Variants in SPC25 observed in about 807,000 individuals in gnomAD.
SPC25 encodes SPC25 component of NDC80 kinetochore complex.
A neutral mutation model predicts 29.6 loss-of-function variants in SPC25; 22 were observed. The observed-to-expected ratio is 0.74, with a 90% CI of 0.53 to 1.06. The LOEUF (loss-of-function observed/expected upper bound fraction) is 1.06, where lower values mean the gene tolerates loss of function less well. Ranked by LOEUF, SPC25 falls within the 50% of genes least tolerant of loss-of-function variation. The pLI, the probability that SPC25 is intolerant of heterozygous loss-of-function variation, is 0.00. For missense variants in SPC25, 230 were observed against 255.8 expected (o/e 0.90, Z 0.69); for synonymous variants, 91 against 90.4 (o/e 1.01, Z -0.04).
rs569082174 is a variant in SPC25, at chr2:168,864,227, G to T, written n.419+9358C>A. 4.0e-5 allele frequency among the ~76,000 whole-genome samples: 6 copies of T among 151,304 alleles called. No homozygotes were observed. In the South Asian group the frequency reaches 1.0e-3, roughly 26 times the overall value. On this transcript the variant is annotated intron_variant and non_coding_transcript_variant, in intron 4 of 4. Transcript: ENST00000479309. The stretch of plus-strand genomic sequence containing the variant: ...AAGTAATCTGCCTAATCTGCCCATC[G>T]CGGCCTCCCAACGTGCTGGGATTAC...
At chr2:168,871,597 GT>G (rs753272277) in intron 6 of SPC25, 42 bp from the exon 7 acceptor site, 4 of 1,512,076 alleles carry the variant, frequency 2.6e-6, no homozygotes, top group South Asian at 2.6e-5. Flanking sequence ...ATTAGAATGA[GT>G]TTTTTTATGG....
chr2:168,871,148 A>C lies in SPC25; in HGVS notation c.*283T>G. 1 of 173,598 alleles carries C rather than the reference A, an allele frequency of 5.8e-6. No individual in the cohort carries two copies. The highest frequency in any genetic ancestry group is 1.2e-5 in the Non-Finnish European group (1 of 83,240). 10.8% of individuals were successfully genotyped at this position (173,598 alleles called of 1,614,324 possible). A position where few individuals can be genotyped will look rare whatever the true frequency, so the allele number is the denominator to read the frequency against. ...CACATATTCTCACTCCTAGGTGGGAATTGAACAATGAGAACACATGGACAC... is the reference window on the plus strand; with the variant it reads ...CACATATTCTCACTCCTAGGTGGGACTTGAACAATGAGAACACATGGACAC... On this transcript the variant is annotated 3_prime_UTR_variant, in exon 7 of 7. Transcript: ENST00000282074.
At chr2:168,868,415 G>T (rs1277166648), downstream of SPC25, among the ~76,000 whole-genome samples, 1 of 152,110 alleles carries the variant, frequency 6.6e-6, no homozygotes, top group Non-Finnish European at 1.5e-5. Context: ...ATGAATCCAG[G>T]AGCTGGCTTT....
chr2:168,878,461 T>G (rs1690124724), intron 3 of SPC25, among the ~76,000 whole-genome samples: 1 of 152,202 alleles, frequency 6.6e-6, no homozygotes. Flanking sequence ...CTTTCAAATC[T>G]CATCATATAT....
chr2:168,873,224 A>T (rs1690026529), intron 6 of SPC25, among the ~76,000 whole-genome samples: 2 of 152,162 alleles, frequency 1.3e-5, no homozygotes, highest in Non-Finnish European at 2.9e-5. Context: ...ATCTACTTGG[A>T]TAAATTCTAA....
At position 168,877,289 on chromosome 2, in the gene SPC25, G is replaced by A; in HGVS notation, c.295C>T (p.Leu99=). ...VKGKKQELEV[L]TANIQDLKEE... The stretch of plus-strand genomic sequence containing the variant: ...TTAAGATCCTGGATATTTGCAGTCA[G>A]TACTTCCAATTCCTGCTTTTTGCCT... Residue 99 remains leucine (L), a synonymous_variant, in exon 4 of 7, where the codon CTG becomes TTG. Coordinates refer to ENST00000282074, the MANE Select transcript of SPC25 (RefSeq NM_020675.4). The A allele has an allele frequency of 6.2e-7, 1 of 1,613,724 alleles. No individual in the cohort carries two copies. Among genetic ancestry groups the A allele is most frequent in the South Asian group, 1.1e-5 (1 of 91,066 alleles).
chr2:168,863,742 C>A, intron 4 of SPC25: 1 of 805,586 alleles, frequency 1.2e-6, no homozygotes, highest in Non-Finnish European at 1.5e-6. Flanking sequence ...TAAGAAAAGA[C>A]TGTTGGTGAG....
chr2:168,865,000 C>T, intron 4 of SPC25: 2 of 1,611,430 alleles, frequency 1.2e-6, no homozygotes, highest in East Asian at 2.2e-5. Context: ...TACCTTCACA[C>T]TCGGTAATCA....
chr2:168,887,421 C>CAAAAAAAAAAAAAAAAAAAAAA (rs5836211), intron 3 of SPC25, among the ~76,000 whole-genome samples: 6 of 131,418 alleles, frequency 4.6e-5, no homozygotes, highest in African/African-American at 1.7e-4. Flanking sequence ...GACTCCATCT[C>CAAAAAAAAAAAAAAAAAAAAAA]AAAAAAAAAA....
chr2:168,861,830 C>A, intron 4 of SPC25: 2 of 771,134 alleles, frequency 2.6e-6, no homozygotes, highest in South Asian at 1.9e-5. Context: ...TATAAAATTA[C>A]AAACTTTCCT....
chr2:168,885,139 G>A (rs1320132281), intron 3 of SPC25, among the ~76,000 whole-genome samples: 2 of 152,128 alleles, frequency 1.3e-5, no homozygotes, highest in Non-Finnish European at 2.9e-5. Context: ...CACCCAACAT[G>A]TTTAAAATTG....
intron 4 of SPC25, chr2:168,865,051 C>A: frequency 6.8e-7 from 1 of 1,469,158 alleles, no homozygotes; most frequent in Non-Finnish European, 9.3e-7. Context: ...GTGCTCTTAC[C>A]TTTACATGTT....
chr2:168,889,070 CACAT>C (rs1690343294), intron 3 of SPC25, among the ~76,000 whole-genome samples, 152 bp downstream of exon 3: 1 of 61,850 alleles, frequency 1.6e-5, no homozygotes, highest in African/African-American at 5.1e-5. Context: ...TATATATATA[CACAT>C]ATATATACAT....
intron 3 of SPC25, among the ~76,000 whole-genome samples, chr2:168,881,530 G>A (rs1322921138): frequency 1.3e-5 from 2 of 152,204 alleles, no homozygotes; most frequent in Non-Finnish European, 2.9e-5. Flanking sequence ...AAAAGCATAA[G>A]AGCTCTAGGG....
intron 6 of SPC25, 90 bp from the exon 7 acceptor site, chr2:168,871,645 T>C: frequency 8.4e-7 from 1 of 1,185,270 alleles, no homozygotes; most frequent in Non-Finnish European, 1.2e-6. Context: ...TCTCATCTGG[T>C]TTGAATGTCA....
intron 5 of SPC25, among the ~76,000 whole-genome samples, chr2:168,874,121 A>G (rs906046766): frequency 2.6e-5 from 4 of 152,230 alleles, no homozygotes; most frequent in Non-Finnish European, 4.4e-5. Context: ...CATTAAGTCC[A>G]CAAAAAGATG....
At chr2:168,875,386 G>C (rs1005277183) in intron 5 of SPC25, among the ~76,000 whole-genome samples, 1 of 152,104 alleles carries the variant, frequency 6.6e-6, no homozygotes, top group Non-Finnish European at 1.5e-5. Flanking sequence ...ATAAGTCAGG[G>C]ACTGTCCATA....
intron 4 of SPC25, chr2:168,865,196 T>G (rs189773052): frequency 2.7e-5 from 14 of 520,892 alleles, no homozygotes; most frequent in Admixed American, 1.0e-4. Context: ...CCTAGAGGAG[T>G]TTCCAAATTC....
intron 4 of SPC25, chr2:168,864,998 C>T (rs1310225077): frequency 6.2e-7 from 1 of 1,611,680 alleles, no homozygotes; most frequent in Non-Finnish European, 8.5e-7. Context: ...ACTACCTTCA[C>T]ACTCGGTAAT....
Sources: allele counts gnomAD v4.1 joint callset (sites outside exome capture counted in the v4.1 genomes callset), GRCh38; gene constraint gnomAD v4.1.1; transcripts MANE v1.5; gene names NCBI Gene and HGNC (gene_info 2026-07-23, HGNC 2026-07-21).